The following UGGT1 variants were observed in gnomAD, a reference collection of about 807,000 sequenced individuals.
The protein encoded by UGGT1 is UDP-glucose glycoprotein glucosyltransferase 1.
Under a neutral mutation model 203.9 loss-of-function variants are expected in UGGT1, and 107 were observed. That is an observed-to-expected ratio of 0.52 (90% CI 0.45 to 0.62). The LOEUF is 0.62. Among genes scored for constraint, UGGT1 ranks in the 20% least tolerant of loss-of-function variants. The pLI, the probability that UGGT1 is intolerant of heterozygous loss-of-function variation, is 0.00. For missense variants in UGGT1, 1,673 were observed against 1,867.2 expected (o/e 0.90, Z 1.92); for synonymous variants, 628 against 653.5 (o/e 0.96, Z 0.59).
At chr2:128,187,825 T>C (rs904958071) in intron 40 of UGGT1, among the ~76,000 whole-genome samples, 8 of 152,022 alleles carry the variant, frequency 5.3e-5, no homozygotes, top group Non-Finnish European at 1.0e-4. Context: ...TTTTTTTTTT[T>C]TCTCGTTTTT....
intron 24 of UGGT1, 86 bp downstream of exon 24, chr2:128,160,677 C>T (rs893126930): frequency 1.3e-6 from 2 of 1,483,164 alleles, no homozygotes; most frequent in Non-Finnish European, 1.8e-6. Context: ...ACTCTTCAGA[C>T]AGAGCCACTC....
At chr2:128,163,041 C>T (rs1176253023) in intron 25 of UGGT1, among the ~76,000 whole-genome samples, 1 of 152,176 alleles carries the variant, frequency 6.6e-6, no homozygotes, top group African/African-American at 2.4e-5. Flanking sequence ...AGTCTGCATC[C>T]CCAAGGCTGC....
intron 1 of UGGT1, among the ~76,000 whole-genome samples, chr2:128,095,492 T>C (rs1316398429): frequency 7.0e-6 from 1 of 143,608 alleles, no homozygotes; most frequent in African/African-American, 2.6e-5. Context: ...TTCCTCCTCC[T>C]CCTCCCCCAC....
At chr2:128,148,693 C>T (rs368027714) in intron 18 of UGGT1, among the ~76,000 whole-genome samples, 1 of 152,180 alleles carries the variant, frequency 6.6e-6, no homozygotes, top group Non-Finnish European at 1.5e-5. Context: ...CTTATGGTCT[C>T]TCAAATTCCA....
At chr2:128,160,426 G>A (rs981338888) in intron 23 of UGGT1, 34 bp from the exon 24 acceptor site, 19 of 1,566,732 alleles carry the variant, frequency 1.2e-5, no homozygotes, top group Non-Finnish European at 1.6e-5. Context: ...GCTTAGTAAC[G>A]ACTATTTTTC....
In UGGT1 at chr2:128,160,604, C is replaced by T. The variant is rs913285864; in HGVS notation, c.2694+13C>T. 6.2e-7 allele frequency: 1 copy of T among 1,606,004 alleles called. No homozygotes were observed. Among genetic ancestry groups the T allele is most frequent in the South Asian group, 1.1e-5 (1 of 90,080 alleles). On this transcript the variant is annotated intron_variant, in intron 24 of 40. Coordinates refer to ENST00000259253, the MANE Select transcript of UGGT1 (RefSeq NM_020120.4). Reference sequence around the variant, plus strand: ...CAGCAATGGAAGGGTGAGGATTTGTCAAGCTTGACTTCACATTAGATCCGT... The same window carrying T: ...CAGCAATGGAAGGGTGAGGATTTGTTAAGCTTGACTTCACATTAGATCCGT...
chr2:128,193,198 A>AG lies in UGGT1; in HGVS notation c.*3456_*3457insG, dbSNP rs1692355989. On this transcript the variant is annotated 3_prime_UTR_variant, in exon 41 of 41. Transcript: ENST00000259253. Reference sequence around the variant, plus strand: ...CTCAAAAAAAAAAAAAAAAAAAAAAAAAAAATTAAAACAGTTTCCATAAAT... The same window carrying AG: ...CTCAAAAAAAAAAAAAAAAAAAAAAAGAAAAATTAAAACAGTTTCCATAAAT... 6.6e-6 allele frequency: 1 copy of AG among 151,878 alleles called. No individual in the cohort carries two copies. The highest frequency in any genetic ancestry group is 1.5e-5 in the Non-Finnish European group (1 of 68,388). 9.4% of individuals were successfully genotyped at this position (151,878 alleles called of 1,614,324 possible). A position where few individuals can be genotyped will look rare whatever the true frequency, so the allele number is the denominator to read the frequency against.
At chr2:128,113,594 G>A in intron 6 of UGGT1, among the ~76,000 whole-genome samples, 1 of 151,754 alleles carries the variant, frequency 6.6e-6, no homozygotes, top group East Asian at 1.9e-4. Context: ...TTTTTCTTCT[G>A]TTTTCTCTTT....
chr2:128,173,139 T>C (rs1160092098), intron 29 of UGGT1, among the ~76,000 whole-genome samples: 1 of 152,254 alleles, frequency 6.6e-6, no homozygotes, highest in African/African-American at 2.4e-5. Flanking sequence ...AAATGTGGTC[T>C]TCTGTAACTG....
intron 3 of UGGT1, among the ~76,000 whole-genome samples, chr2:128,104,625 A>G (rs1687520228): frequency 6.6e-6 from 1 of 152,170 alleles, no homozygotes; most frequent in Admixed American, 6.5e-5. Context: ...TTACATTGAC[A>G]GATATAGGTT....
At chr2:128,187,972 A>G (rs575652941) in intron 40 of UGGT1, among the ~76,000 whole-genome samples, 2 of 150,162 alleles carry the variant, frequency 1.3e-5, no homozygotes, top group African/African-American at 2.5e-5. Context: ...CTGTCAGTGT[A>G]CTAGTGAATG....
chr2:128,188,720 G>A (rs558933187), intron 40 of UGGT1, among the ~76,000 whole-genome samples: 1 of 152,276 alleles, frequency 6.6e-6, no homozygotes, highest in African/African-American at 2.4e-5. Context: ...TGAAGTCGGA[G>A]GATTGCTTGA....
intron 32 of UGGT1, 68 bp from the exon 33 acceptor site, chr2:128,177,764 A>G: frequency 7.6e-7 from 1 of 1,317,194 alleles, no homozygotes; most frequent in Admixed American, 2.2e-5. Context: ...CACAGTGTAT[A>G]TCCAGTGAGA....
chr2:128,113,165 G>C lies in UGGT1; in HGVS notation c.603G>C (p.Glu201Asp). 4 of 1,613,002 alleles carry C rather than the reference G, an allele frequency of 2.5e-6. No homozygotes were observed. Among genetic ancestry groups the C allele is most frequent in the Non-Finnish European group, 3.4e-6 (4 of 1,179,458 alleles). The change falls in exon 6 of 41, where the codon GAG (glutamate) becomes GAC (aspartate). Residue 201 changes from glutamate (E) to aspartate (D), a missense_variant. This residue lies in a region of UGGT1 where 1,073 missense variants were observed against 1,078.7 expected (regional missense o/e 0.99). Coordinates refer to ENST00000259253, the MANE Select transcript of UGGT1 (RefSeq NM_020120.4). ...GCCCTGTGGTGATTTTCTACTCTGA[G>C]ATTGGCTCTGAGGAATTTTCCAATT... The part of the protein sequence containing the change: ...PESPVVIFYS[E>D]IGSEEFSNFH...
At chr2:128,185,710 A>G (rs1034993759) in intron 38 of UGGT1, among the ~76,000 whole-genome samples, 1 of 151,908 alleles carries the variant, frequency 6.6e-6, no homozygotes, top group African/African-American at 2.4e-5. Context: ...TCCCGGGCTC[A>G]AGCGATCTAC....
At chr2:128,155,644 T>C in intron 20 of UGGT1, 57 bp downstream of exon 20, 10 of 1,347,158 alleles carry the variant, frequency 7.4e-6, no homozygotes, top group Non-Finnish European at 1.0e-5. Flanking sequence ...AGTATTTGCA[T>C]ATTCATCTTA....
At chr2:128,096,563 G>A (rs1217047800) in intron 1 of UGGT1, among the ~76,000 whole-genome samples, 1 of 152,150 alleles carries the variant, frequency 6.6e-6, no homozygotes, top group Non-Finnish European at 1.5e-5. Context: ...TTTTCCCTCT[G>A]TGCTGTCTTT....
At chr2:128,116,425 A>T in intron 8 of UGGT1, 82 bp downstream of exon 8, 1 of 869,952 alleles carries the variant, frequency 1.1e-6, no homozygotes, top group Non-Finnish European at 1.9e-6. Flanking sequence ...GCATCATCTT[A>T]CTCATTACTG....
At chr2:128,188,756 C>T (rs975025200) in intron 40 of UGGT1, among the ~76,000 whole-genome samples, 3 of 152,126 alleles carry the variant, frequency 2.0e-5, no homozygotes, top group Non-Finnish European at 4.4e-5. Flanking sequence ...TTGCAGTGAG[C>T]GACTGCACTC....
Sources: gnomAD v4.1 joint callset for allele counts (sites outside exome capture counted in the v4.1 genomes callset) on GRCh38, gnomAD v4.1.1 for gene constraint, gnomAD v4.1.1 regional missense constraint, MANE v1.5 for transcripts, NCBI Gene and HGNC (gene_info 2026-07-23, HGNC 2026-07-21) for gene names.